KIF15: variants seen among roughly 807,000 people sequenced by gnomAD.
The protein encoded by KIF15 is kinesin-like protein KIF15.
In KIF15, 140 loss-of-function variants were observed where a neutral mutation model predicts 190.6. That is an observed-to-expected ratio of 0.73 (90% CI 0.64 to 0.84). KIF15 has a LOEUF of 0.84. KIF15 is among the 40% of genes least tolerant of loss of function. The pLI is 0.00. For synonymous variants in KIF15, 528 were observed against 551.3 expected, an observed-to-expected ratio of 0.96 and a Z score of 0.59; for missense variants, 1,372 against 1,584.4, an observed-to-expected ratio of 0.87 and a Z score of 2.28.
rs915199356 is a variant in KIF15 at position 44,801,496 on chromosome 3, A to T, written c.1269A>T (p.Leu423Phe). Residue 423 changes from leucine (L) to phenylalanine (F), a missense_variant, in exon 12 of 35, where the codon TTA becomes TTT. Coordinates refer to ENST00000326047, the MANE Select transcript of KIF15 (RefSeq NM_020242.3). ...TGGAGTATTTCCAGGAAGCAATGTT[A>T]TTCTTTAAGAAATCTGAACAGGAAA... ...NYMEYFQEAM[L>F]FFKKSEQEKK... is the part of the protein sequence containing the mutation. The T allele has an allele frequency of 6.4e-7, 1 of 1,571,766 alleles. No homozygotes were observed. The highest frequency in any genetic ancestry group is 8.8e-7 in the Non-Finnish European group (1 of 1,142,020).
At chr3:44,823,933 C>T (rs1438874561) in intron 20 of KIF15, among the ~76,000 whole-genome samples, 2 of 152,190 alleles carry the variant, frequency 1.3e-5, no homozygotes, top group African/African-American at 4.8e-5. Context: ...CTTCCCTTGG[C>T]TAGGAAAGGG....
intron 24 of KIF15, among the ~76,000 whole-genome samples, chr3:44,829,207 A>T (rs1697841914): frequency 1.3e-5 from 2 of 150,654 alleles, no homozygotes; most frequent in African/African-American, 4.9e-5. Context: ...AATACAAAAA[A>T]TTAGCTGGGC....
chr3:44,805,412 A>G (rs993846154), intron 15 of KIF15, among the ~76,000 whole-genome samples: 2 of 152,204 alleles, frequency 1.3e-5, no homozygotes, highest in African/African-American at 4.8e-5. Flanking sequence ...TGCATAGTAA[A>G]TTATTTAAAT....
Position 44,848,025 on chromosome 3 carries a change from C to A in KIF15, c.3736C>A (p.Gln1246Lys), listed in dbSNP as rs199928777. Residue 1246 changes from glutamine to lysine, a missense_variant, in exon 31 of 35, where the codon CAA becomes AAA. Physicochemically the swap from Gln to Lys is moderately conservative, Grantham distance 53. Transcript: ENST00000326047. ...HPDNQQLKNE[Q>K]EESIKERLAK... The stretch of plus-strand genomic sequence containing the variant: ...AGATAATCAACAGCTGAAGAATGAA[C>A]AAGAAGAAAGTATCAAAGAAAGACT... 198 of 1,611,154 alleles carry A rather than the reference C, an allele frequency of 1.2e-4. 2 individuals carry two copies. Among genetic ancestry groups the A allele is most frequent in the Middle Eastern group, 3.3e-4 (2 of 6,042 alleles).
chr3:44,785,020 T>C (rs1016235674), intron 6 of KIF15, 78 bp downstream of exon 6: 35 of 718,312 alleles, frequency 4.9e-5, no homozygotes, highest in Non-Finnish European at 8.3e-5. Flanking sequence ...TAGCTCATGA[T>C]ACATGGTGGA....
Position 44,797,565 on chromosome 3 carries a change from A to G in KIF15, c.864A>G (p.Ile288Met). 2.5e-6 allele frequency: 4 copies of G among 1,614,036 alleles called. No homozygotes were observed. Among genetic ancestry groups the G allele is most frequent in the Non-Finnish European group, 3.4e-6 (4 of 1,179,980 alleles). Residue 288 changes from isoleucine (I) to methionine (M), a missense_variant, in exon 9 of 35, where the codon ATA (isoleucine) becomes ATG (methionine). Transcript: ENST00000326047. Reference protein sequence around the residue: ...EGMRLKEAGNINRSLSCLGQV... With the variant: ...EGMRLKEAGNMNRSLSCLGQV... ...CAACACTTTAGGAAGCAGGTAACATAAATCGATCATTGAGCTGCCTGGGCC... is the reference window on the plus strand; with the variant it reads ...CAACACTTTAGGAAGCAGGTAACATGAATCGATCATTGAGCTGCCTGGGCC...
At chr3:44,784,688 A>G (rs903522062) in intron 5 of KIF15, among the ~76,000 whole-genome samples, 157 bp from the exon 6 acceptor site, 1 of 152,194 alleles carries the variant, frequency 6.6e-6, no homozygotes, top group Non-Finnish European at 1.5e-5. Context: ...GCAGTTGGAA[A>G]AATTTCAATT....
intron 5 of KIF15, among the ~76,000 whole-genome samples, chr3:44,783,374 CAA>C (rs903077585): frequency 9.9e-5 from 15 of 151,692 alleles, no homozygotes; most frequent in East Asian, 5.8e-4. Flanking sequence ...GAGAGAGAGA[CAA>C]AGAGAGAGAG....
chr3:44,803,014 A>G, intron 14 of KIF15, 23 bp downstream of exon 14: 2 of 1,568,176 alleles, frequency 1.3e-6, no homozygotes, highest in Non-Finnish European at 1.7e-6. Context: ...TGTTGTATAT[A>G]CGTGCCATGT....
At chr3:44,862,680 T>G (rs1575702046) in intron 6 of KIF15, 1 of 152,096 alleles carries the variant, frequency 6.6e-6, no homozygotes, top group East Asian at 1.9e-4. Flanking sequence ...TTCCTGACGC[T>G]GAGAACTCCT....
At chr3:44,767,817 C>T (rs1412424405) in intron 1 of KIF15, among the ~76,000 whole-genome samples, 3 of 149,686 alleles carry the variant, frequency 2.0e-5, no homozygotes, top group South Asian at 2.1e-4. Flanking sequence ...ATGGCATGAG[C>T]CCGGGAGGTG....
rs975440511 is a variant in KIF15 at position 44,826,151 on chromosome 3, T to C, written c.2662T>C (p.Phe888Leu). 1 of 1,576,834 alleles carries C rather than the reference T, an allele frequency of 6.3e-7. No individual in the cohort carries two copies. Among genetic ancestry groups the C allele is most frequent in the Non-Finnish European group, 8.5e-7 (1 of 1,170,384 alleles). Reference sequence around the variant, plus strand: ...CCAACTTTCAAGAAACCTCCAAAACTTCAAAAAAGAAAATGAAACTCTGAA... The same window carrying C: ...CCAACTTTCAAGAAACCTCCAAAACCTCAAAAAAGAAAATGAAACTCTGAA... ...IDQLSRNLQN[F>L]KKENETLKSD... The change falls in exon 21 of 35, where the codon TTC becomes CTC. Residue 888 changes from phenylalanine (F) to leucine (L), a missense_variant. Physicochemically the swap from Phe to Leu is conservative, Grantham distance 22. Transcript: ENST00000326047.
At chr3:44,775,814 G>T (rs1179348953) in intron 3 of KIF15, among the ~76,000 whole-genome samples, 3 of 151,798 alleles carry the variant, frequency 2.0e-5, no homozygotes, top group South Asian at 4.2e-4. Context: ...AGGCGTGGTG[G>T]CTCATGCCTG....
chr3:44,866,319 G>A (rs1371442012), intron 6 of KIF15, among the ~76,000 whole-genome samples: 1 of 152,030 alleles, frequency 6.6e-6, no homozygotes, highest in Admixed American at 6.5e-5. Context: ...TGATCTGCCC[G>A]CCTCAGCCTC....
intron 22 of KIF15, chr3:44,827,238 T>C (rs1697713738): frequency 6.1e-6 from 3 of 490,878 alleles, no homozygotes; most frequent in Non-Finnish European, 1.1e-5. Flanking sequence ...TTAGGAGTAC[T>C]AAACACTCTG....
chr3:44,823,926 C>G (rs765023914), intron 20 of KIF15, among the ~76,000 whole-genome samples: 17 of 152,212 alleles, frequency 1.1e-4, no homozygotes, highest in Non-Finnish European at 1.9e-4. Context: ...GTCATGGCTT[C>G]CCTTGGCTAG....
intron 20 of KIF15, 118 bp from the exon 21 acceptor site, chr3:44,825,921 G>T: frequency 2.3e-6 from 2 of 857,526 alleles, no homozygotes; most frequent in Non-Finnish European, 1.8e-6. Flanking sequence ...TATATCACTC[G>T]AGGCTTATGT....
intron 4 of KIF15, among the ~76,000 whole-genome samples, 199 bp downstream of exon 4, chr3:44,778,390 T>C (rs1212153352): frequency 6.6e-6 from 1 of 152,196 alleles, no homozygotes; most frequent in East Asian, 1.9e-4. Context: ...TTTGGCAGCC[T>C]TGTTGCTTTC....
rs747112045 is a variant in KIF15 at position 44,775,445 on chromosome 3, T to C, written c.246+8T>C. 6.4e-7 allele frequency: 1 copy of C among 1,573,392 alleles called. No homozygotes were observed. The highest frequency in any genetic ancestry group is 8.6e-7 in the Non-Finnish European group (1 of 1,162,012). On this transcript the variant is annotated splice_region_variant and intron_variant, in intron 3 of 34. Transcript: ENST00000326047. ...GATGTGGATACCACTCAGGTAATGATAATTAGAAACTTAACTTTTTTTTTT... is the reference window on the plus strand; with the variant it reads ...GATGTGGATACCACTCAGGTAATGACAATTAGAAACTTAACTTTTTTTTTT...
Sources: gnomAD v4.1 joint callset for allele counts (sites outside exome capture counted in the v4.1 genomes callset) on GRCh38, gnomAD v4.1.1 for gene constraint, MANE v1.5 for transcripts, NCBI Gene and HGNC (gene_info 2026-07-23, HGNC 2026-07-21) for gene names.